CNTNAP2: variants seen among roughly 807,000 people sequenced by gnomAD.
CNTNAP2 encodes contactin associated protein 2.
In CNTNAP2, 98 loss-of-function variants were observed where a neutral mutation model predicts 155.2. That is an observed-to-expected ratio of 0.63 (90% CI 0.54 to 0.75). The LOEUF (loss-of-function observed/expected upper bound fraction) is 0.75, where lower values mean the gene tolerates loss of function less well. CNTNAP2 is among the 30% of genes least tolerant of loss of function. The pLI, the probability that CNTNAP2 is intolerant of heterozygous loss-of-function variation, is 0.00. For missense variants in CNTNAP2, 1,727 were observed against 1,688.1 expected (o/e 1.02, Z -0.40); for synonymous variants, 651 against 631.2 (o/e 1.03, Z -0.47).
intron 2 of CNTNAP2, among the ~76,000 whole-genome samples, chr7:146,779,259 A>C (rs1802441345): frequency 6.6e-6 from 1 of 152,174 alleles, no homozygotes; most frequent in South Asian, 2.1e-4. Flanking sequence ...TTACTAAAGG[A>C]CTTTTGGTTT....
At chr7:146,820,853 T>C (rs1803266662) in intron 2 of CNTNAP2, among the ~76,000 whole-genome samples, 1 of 152,220 alleles carries the variant, frequency 6.6e-6, no homozygotes. Flanking sequence ...TGCTCCTGTA[T>C]TGGGTGCATA....
At position 147,139,035 on chromosome 7, in the gene CNTNAP2, G is replaced by A. The variant is rs146934023; in HGVS notation, c.1348+6526G>A. On this transcript the variant is annotated intron_variant, in intron 8 of 23. Transcript: ENST00000361727. ...AATAAAAATGAATTATGAAAGAATA[G>A]CAAAGAACATAGCCCAGGAACTCCA... Among the ~76,000 whole-genome samples, 624 of 152,062 alleles carry A rather than the reference G, an allele frequency of 4.1e-3. 6 individuals carry two copies. The highest frequency in any genetic ancestry group is 0.014 in the African/African-American group (598 of 41,512).
At chr7:146,616,909 C>A (rs902174726) in intron 1 of CNTNAP2, among the ~76,000 whole-genome samples, 4 of 151,842 alleles carry the variant, frequency 2.6e-5, no homozygotes, top group Admixed American at 2.0e-4. Flanking sequence ...AGAAAAAAAA[C>A]CTAAAGTTGC....
At chr7:146,558,490 G>T (rs2129143954) in intron 1 of CNTNAP2, among the ~76,000 whole-genome samples, 1 of 152,256 alleles carries the variant, frequency 6.6e-6, no homozygotes, top group African/African-American at 2.4e-5. Context: ...CAAAGTTGGA[G>T]ATAAGTATGG....
intron 1 of CNTNAP2, among the ~76,000 whole-genome samples, chr7:146,435,484 T>C (rs775047669): frequency 6.6e-6 from 1 of 152,236 alleles, no homozygotes; most frequent in East Asian, 1.9e-4. Context: ...ACAAATGATA[T>C]GAAATCAGTT....
chr7:146,513,972 C>A (rs1327026339), intron 1 of CNTNAP2, among the ~76,000 whole-genome samples: 1 of 151,922 alleles, frequency 6.6e-6, no homozygotes, highest in East Asian at 1.9e-4. Context: ...TTTTGTTTAG[C>A]AAGTTTTTTA....
chr7:147,485,887 A>G, intron 10 of CNTNAP2, 48 bp from the exon 11 acceptor site: 1 of 1,594,536 alleles, frequency 6.3e-7, no homozygotes, highest in African/African-American at 1.3e-5. Flanking sequence ...CCACTCATAA[A>G]TCTCATTTGT....
intron 21 of CNTNAP2, among the ~76,000 whole-genome samples, chr7:148,319,143 A>C (rs1427654297): frequency 1.3e-5 from 2 of 152,206 alleles, no homozygotes; most frequent in Non-Finnish European, 2.9e-5. Flanking sequence ...ATAGATAAGA[A>C]AGCATATCGA....
intron 1 of CNTNAP2, among the ~76,000 whole-genome samples, chr7:146,118,778 A>G (rs923300327): frequency 2.0e-4 from 30 of 152,310 alleles, no homozygotes; most frequent in African/African-American, 6.7e-4. Flanking sequence ...CAGAGAACAT[A>G]GAAACAATTA....
intron 1 of CNTNAP2, among the ~76,000 whole-genome samples, chr7:146,179,533 A>T (rs370891677): frequency 1.3e-5 from 2 of 152,160 alleles, no homozygotes; most frequent in East Asian, 1.9e-4. Flanking sequence ...TATAGGAAAA[A>T]CATGATCACA....
intron 10 of CNTNAP2, among the ~76,000 whole-genome samples, chr7:147,468,649 GA>G (rs1798160374): frequency 6.6e-6 from 1 of 152,152 alleles, no homozygotes; most frequent in African/African-American, 2.4e-5. Context: ...TGACAGATTT[GA>G]GAGAAAAGGG....
intron 14 of CNTNAP2, among the ~76,000 whole-genome samples, chr7:147,927,457 T>G (rs1268562797): frequency 6.6e-6 from 1 of 152,204 alleles, no homozygotes; most frequent in Non-Finnish European, 1.5e-5. Context: ...AGTCAAACAC[T>G]TTTAGTTTCA....
chr7:146,795,434 G>A (rs1284591930), intron 2 of CNTNAP2, among the ~76,000 whole-genome samples: 2 of 152,182 alleles, frequency 1.3e-5, no homozygotes, highest in Non-Finnish European at 2.9e-5. Flanking sequence ...CACATGTAAA[G>A]ATGACAATGA....
At chr7:147,087,649 T>G (rs1300514420) in intron 4 of CNTNAP2, among the ~76,000 whole-genome samples, 1 of 152,122 alleles carries the variant, frequency 6.6e-6, no homozygotes, top group East Asian at 1.9e-4. Context: ...GTGGGGGAGC[T>G]CCTAACAATG....
chr7:147,214,763 C>T (rs560218184), intron 8 of CNTNAP2, among the ~76,000 whole-genome samples: 1 of 152,228 alleles, frequency 6.6e-6, no homozygotes, highest in East Asian at 1.9e-4. Flanking sequence ...GCATAGCCTC[C>T]TCCATTATCA....
intron 14 of CNTNAP2, among the ~76,000 whole-genome samples, chr7:147,960,302 G>A (rs1801093515): frequency 6.6e-6 from 1 of 152,168 alleles, no homozygotes; most frequent in Non-Finnish European, 1.5e-5. Context: ...TGATGAGTGA[G>A]CAGGACAAGT....
At chr7:148,388,447 ATCCATG>A (rs1247440852) in intron 22 of CNTNAP2, among the ~76,000 whole-genome samples, 3 of 151,898 alleles carry the variant, frequency 2.0e-5, no homozygotes, top group East Asian at 3.9e-4. Flanking sequence ...TTCCAATTTC[ATCCATG>A]TCCCTAGAAA....
At chr7:147,967,911 G>T (rs1049001234) in intron 14 of CNTNAP2, among the ~76,000 whole-genome samples, 7 of 151,946 alleles carry the variant, frequency 4.6e-5, no homozygotes, top group African/African-American at 1.5e-4. Flanking sequence ...GAAAAAAAAA[G>T]ATACTAAAAA....
chr7:146,559,045 TAACA>T (rs1379635685), intron 1 of CNTNAP2, among the ~76,000 whole-genome samples: 1 of 152,216 alleles, frequency 6.6e-6, no homozygotes, highest in Non-Finnish European at 1.5e-5. Context: ...TTTAAAAATA[TAACA>T]AACAACAAAG....
Sources: allele counts gnomAD v4.1 joint callset (sites outside exome capture counted in the v4.1 genomes callset), GRCh38; gene constraint gnomAD v4.1.1; transcripts MANE v1.5; gene names NCBI Gene and HGNC (gene_info 2026-07-23, HGNC 2026-07-21).